Variants in SND1 observed in about 807,000 individuals in gnomAD.
SND1 encodes staphylococcal nuclease and tudor domain containing 1.
In SND1, 38 loss-of-function variants were observed where a neutral mutation model predicts 121.7. The ratio of observed to expected loss-of-function variants is 0.31; its 90% CI spans 0.24 to 0.41. SND1 has a LOEUF of 0.41. Ranked by LOEUF, SND1 falls within the 10% of genes least tolerant of loss-of-function variation. SND1 has a pLI of 1.00. For missense variants in SND1, 868 were observed against 1,184.6 expected, an observed-to-expected ratio of 0.73 and a Z score of 3.92; for synonymous variants, 401 against 447.4, an observed-to-expected ratio of 0.90 and a Z score of 1.31.
intron 16 of SND1, chr7:128,030,981 G>C (rs1396799183): frequency 1.2e-5 from 2 of 166,940 alleles, no homozygotes; most frequent in East Asian, 3.0e-4. Context: ...TGGGCACCTC[G>C]TTCCCATTCC....
chr7:127,948,058 A>C (rs1801371019), intron 15 of SND1, among the ~76,000 whole-genome samples: 1 of 152,210 alleles, frequency 6.6e-6, no homozygotes, highest in South Asian at 2.1e-4. Flanking sequence ...ACCTAATTCA[A>C]GGGGAATAAA....
intron 10 of SND1, among the ~76,000 whole-genome samples, chr7:127,793,499 G>A (rs1048551720): frequency 6.6e-6 from 1 of 152,060 alleles, no homozygotes; most frequent in Non-Finnish European, 1.5e-5. Context: ...TTAGAGTGGC[G>A]CCAACCCTTT....
intron 15 of SND1, among the ~76,000 whole-genome samples, chr7:127,938,679 T>G (rs1194289247): frequency 1.3e-5 from 2 of 152,232 alleles, no homozygotes; most frequent in Non-Finnish European, 2.9e-5. Context: ...GCTTTTGTAT[T>G]GGTGTGTAAA....
At chr7:127,710,534 C>A (rs901374413) in intron 9 of SND1, among the ~76,000 whole-genome samples, 1 of 151,402 alleles carries the variant, frequency 6.6e-6, no homozygotes, top group Non-Finnish European at 1.5e-5. Context: ...TGCAGACTGG[C>A]AGCCACTTTG....
chr7:127,793,413 T>A (rs1797950375), intron 10 of SND1, among the ~76,000 whole-genome samples: 1 of 152,170 alleles, frequency 6.6e-6, no homozygotes, highest in Non-Finnish European at 1.5e-5. Context: ...AGAATTAATA[T>A]GTTTAATGTG....
chr7:127,820,354 C>T (rs1563024805), intron 11 of SND1, among the ~76,000 whole-genome samples: 1 of 152,086 alleles, frequency 6.6e-6, no homozygotes, highest in Non-Finnish European at 1.5e-5. Context: ...ACATTTTTCC[C>T]TAGTTTCTCC....
At chr7:127,978,606 T>C (rs1420164475) in intron 15 of SND1, among the ~76,000 whole-genome samples, 2 of 152,202 alleles carry the variant, frequency 1.3e-5, no homozygotes, top group East Asian at 3.8e-4. Context: ...ATACCTGTGG[T>C]TAATGTCAGC....
intron 1 of SND1, among the ~76,000 whole-genome samples, chr7:127,672,752 T>A (rs1795544616): frequency 6.6e-6 from 1 of 152,174 alleles, no homozygotes; most frequent in Non-Finnish European, 1.5e-5. Context: ...TCAGAAATAA[T>A]TCCTCAGTCT....
chr7:127,781,287 C>T (rs888084254), intron 10 of SND1, among the ~76,000 whole-genome samples: 6 of 152,182 alleles, frequency 3.9e-5, no homozygotes, highest in Non-Finnish European at 7.4e-5. Flanking sequence ...AGAAGTAATA[C>T]GTTATTATTA....
intron 15 of SND1, among the ~76,000 whole-genome samples, chr7:127,929,936 T>C (rs118103858): frequency 0.013 from 2,027 of 152,362 alleles, 29 homozygotes; most frequent in South Asian, 0.047. Flanking sequence ...ACCCTATCTT[T>C]TCTGGTAGCT....
At chr7:127,677,458 G>C (rs1348161944) in intron 1 of SND1, among the ~76,000 whole-genome samples, 2 of 152,160 alleles carry the variant, frequency 1.3e-5, no homozygotes, top group Non-Finnish European at 2.9e-5. Context: ...ACTTGAATTG[G>C]TCCAGAATTT....
chr7:127,821,449 A>G (rs1176730549), intron 11 of SND1, among the ~76,000 whole-genome samples: 1 of 152,178 alleles, frequency 6.6e-6, no homozygotes. Context: ...ACTCCATGTC[A>G]TCATCTCTGC....
chr7:127,771,571 T>G (rs1443270948), intron 10 of SND1, among the ~76,000 whole-genome samples: 1 of 152,122 alleles, frequency 6.6e-6, no homozygotes, highest in Non-Finnish European at 1.5e-5. Context: ...ATGAAGTGTA[T>G]CCTGCCTTCT....
chr7:127,819,891 C>T (rs553399363), intron 11 of SND1, among the ~76,000 whole-genome samples: 5 of 152,262 alleles, frequency 3.3e-5, no homozygotes, highest in African/African-American at 1.2e-4. Flanking sequence ...AGTCCTGTGG[C>T]CACTGGGTGA....
At chr7:127,757,459 C>A (rs1001691340) in intron 10 of SND1, among the ~76,000 whole-genome samples, 1 of 152,284 alleles carries the variant, frequency 6.6e-6, no homozygotes, top group African/African-American at 2.4e-5. Flanking sequence ...GTTGGGTCAT[C>A]CAGTAGATGA....
At chr7:127,998,927 T>C (rs1346150416) in intron 16 of SND1, 2 of 152,308 alleles carry the variant, frequency 1.3e-5, no homozygotes, top group Admixed American at 1.3e-4. Context: ...GATTCCTCTC[T>C]GCAAAGCTGC....
chr7:128,063,476 C>T (rs544305747), intron 16 of SND1, among the ~76,000 whole-genome samples: 1 of 152,284 alleles, frequency 6.6e-6, no homozygotes, highest in South Asian at 2.1e-4. Flanking sequence ...CTCTCACCTT[C>T]GAGGAGTTCT....
At chr7:127,722,284 C>T (rs1320067052) in intron 10 of SND1, among the ~76,000 whole-genome samples, 1 of 150,126 alleles carries the variant, frequency 6.7e-6, no homozygotes, top group Admixed American at 6.7e-5. Flanking sequence ...GAAGTTACTG[C>T]TGTGTGTACT....
In SND1 at chr7:127,736,659, T is replaced by G. The variant is rs116001894; in HGVS notation, c.1152+15259T>G. ...CAGAGGGGCTGATATTTAGTCCTGC[T>G]GGCAGTACACTCTCTAATCACCTAA... On this transcript the variant is annotated intron_variant, in intron 10 of 23. Coordinates refer to ENST00000354725, the MANE Select transcript of SND1 (RefSeq NM_014390.4). Among the ~76,000 whole-genome samples the G allele has an allele frequency of 4.5e-3, 692 of 152,364 alleles. 4 individuals carry two copies. Among genetic ancestry groups the G allele is most frequent in the African/African-American group, 0.016 (662 of 41,578 alleles).
Sources: allele counts gnomAD v4.1 joint callset (sites outside exome capture counted in the v4.1 genomes callset), GRCh38; gene constraint gnomAD v4.1.1; transcripts MANE v1.5; gene names NCBI Gene and HGNC (gene_info 2026-07-23, HGNC 2026-07-21).